Variants in MCUB observed in about 807,000 individuals in gnomAD.
MCUB encodes mitochondrial calcium uniporter dominant negative subunit beta.
In MCUB, 46 loss-of-function variants were observed where a neutral mutation model predicts 41.4. The observed-to-expected ratio is 1.11, with a 90% CI of 0.88 to 1.42. MCUB has a LOEUF of 1.42. Ranked by LOEUF, MCUB falls within the 40% of genes most tolerant of loss-of-function variation. The probability of loss-of-function intolerance (pLI) is 0.00; values close to 1 mark genes in which losing one functional copy is unlikely to be tolerated. For synonymous variants in MCUB, 148 were observed against 148.2 expected (o/e 1.00, Z 0.01); for missense variants, 403 against 404.9 (o/e 1.00, Z 0.04).
chr4:109,603,203 C>T (rs948781667), intron 1 of MCUB, among the ~76,000 whole-genome samples: 4 of 152,226 alleles, frequency 2.6e-5, no homozygotes, highest in African/African-American at 9.6e-5. Context: ...CTGCCTGATT[C>T]TCCTGCCTCA....
chr4:109,571,186 G>T (rs1215529128), intron 1 of MCUB, among the ~76,000 whole-genome samples: 2 of 152,128 alleles, frequency 1.3e-5, no homozygotes, highest in African/African-American at 4.8e-5. Flanking sequence ...AACTTAGTGT[G>T]TGTATGTTTT....
At chr4:109,652,308 C>T (rs955527385) in intron 1 of MCUB, among the ~76,000 whole-genome samples, 1 of 152,130 alleles carries the variant, frequency 6.6e-6, no homozygotes, top group Non-Finnish European at 1.5e-5. Flanking sequence ...ATTCAGCTTC[C>T]ACTTGAGTTT....
At chr4:109,633,844 A>G (rs765060601) in intron 1 of MCUB, among the ~76,000 whole-genome samples, 4 of 151,996 alleles carry the variant, frequency 2.6e-5, no homozygotes, top group Admixed American at 2.0e-4. Flanking sequence ...AAAAATTGGT[A>G]TATGTTCTTA....
chr4:109,626,053 T>C (rs1239732618), intron 1 of MCUB, among the ~76,000 whole-genome samples: 1 of 152,202 alleles, frequency 6.6e-6, no homozygotes, highest in African/African-American at 2.4e-5. Context: ...AGGGTTTCTG[T>C]TGACCAGTGT....
intron 1 of MCUB, among the ~76,000 whole-genome samples, chr4:109,575,908 C>G (rs1018929): frequency 0.039 from 5,888 of 152,096 alleles, 135 homozygotes; most frequent in East Asian, 0.057. Flanking sequence ...AACCTTTTCA[C>G]TCTTATCTAC....
intron 1 of MCUB, among the ~76,000 whole-genome samples, chr4:109,579,829 A>G (rs1030457629): frequency 3.9e-5 from 6 of 152,230 alleles, no homozygotes; most frequent in South Asian, 2.1e-4. Flanking sequence ...GAAAATAGCA[A>G]TTATATTAGA....
intron 1 of MCUB, among the ~76,000 whole-genome samples, chr4:109,622,451 T>C (rs1253398094): frequency 1.3e-5 from 2 of 152,138 alleles, no homozygotes; most frequent in African/African-American, 4.8e-5. Flanking sequence ...GGCCAAGAGA[T>C]TTCAATGGAT....
chr4:109,629,179 C>T (rs1191760867), intron 1 of MCUB, among the ~76,000 whole-genome samples: 1 of 151,956 alleles, frequency 6.6e-6, no homozygotes, highest in Non-Finnish European at 1.5e-5. Flanking sequence ...CTCTATCACC[C>T]AGGCTGGAGT....
chr4:109,666,267 C>T (rs750635154), intron 4 of MCUB, among the ~76,000 whole-genome samples: 45 of 152,150 alleles, frequency 3.0e-4, no homozygotes, highest in South Asian at 6.2e-4. Context: ...AATACACATG[C>T]GCAGGCTTTT....
intron 1 of MCUB, among the ~76,000 whole-genome samples, chr4:109,655,369 A>T (rs1031634286): frequency 2.6e-5 from 4 of 152,186 alleles, no homozygotes; most frequent in African/African-American, 4.8e-5. Flanking sequence ...TCATGTGGGC[A>T]TAATGGATTT....
intron 1 of MCUB, among the ~76,000 whole-genome samples, chr4:109,562,351 G>T (rs1287418322): frequency 6.6e-6 from 1 of 152,186 alleles, no homozygotes; most frequent in Non-Finnish European, 1.5e-5. Flanking sequence ...CAACTGTCCA[G>T]CTATAAAGAC....
At chr4:109,617,962 T>A (rs1226632998) in intron 1 of MCUB, among the ~76,000 whole-genome samples, 1 of 152,200 alleles carries the variant, frequency 6.6e-6, no homozygotes, top group Non-Finnish European at 1.5e-5. Flanking sequence ...ACATGTAACT[T>A]CTTGTATTTG....
intron 1 of MCUB, among the ~76,000 whole-genome samples, chr4:109,624,853 G>C (rs1465991058): frequency 6.6e-6 from 1 of 152,100 alleles, no homozygotes; most frequent in Non-Finnish European, 1.5e-5. Flanking sequence ...GTCCAAACCT[G>C]ATGTCGGCCA....
At chr4:109,651,782 AT>A (rs1267791531) in intron 1 of MCUB, among the ~76,000 whole-genome samples, 1 of 151,890 alleles carries the variant, frequency 6.6e-6, no homozygotes, top group Non-Finnish European at 1.5e-5. Flanking sequence ...TTCTTGATAT[AT>A]TTTTTTCTTC....
chr4:109,603,966 A>C (rs1727811638), intron 1 of MCUB, among the ~76,000 whole-genome samples: 1 of 152,182 alleles, frequency 6.6e-6, no homozygotes, highest in Admixed American at 6.5e-5. Context: ...TGGGGAAAAG[A>C]AAGAGAGATC....
At chr4:109,673,233 G>A (rs1729497918) in intron 4 of MCUB, among the ~76,000 whole-genome samples, 1 of 152,146 alleles carries the variant, frequency 6.6e-6, no homozygotes, top group African/African-American at 2.4e-5. Flanking sequence ...TGTTCTTTGG[G>A]TTGCATTTAT....
intron 4 of MCUB, 38 bp from the exon 5 acceptor site, chr4:109,682,544 T>C (rs772003779): frequency 5.8e-6 from 9 of 1,551,550 alleles, no homozygotes; most frequent in African/African-American, 2.7e-5. Context: ...GCGGGAACAA[T>C]GTGGTGACTG....
chr4:109,674,706 A>T (rs1365652850), intron 4 of MCUB, among the ~76,000 whole-genome samples: 3 of 152,266 alleles, frequency 2.0e-5, no homozygotes, highest in African/African-American at 7.2e-5. Flanking sequence ...AATTGTAAAC[A>T]TGAGAATAAC....
At chr4:109,668,447 T>C (rs1340822224) in intron 4 of MCUB, among the ~76,000 whole-genome samples, 3 of 152,146 alleles carry the variant, frequency 2.0e-5, no homozygotes, top group Non-Finnish European at 2.9e-5. Context: ...GAAATTAATA[T>C]AGCTATTTCA....
Sources: allele counts gnomAD v4.1 joint callset (sites outside exome capture counted in the v4.1 genomes callset), GRCh38; gene constraint gnomAD v4.1.1; transcripts MANE v1.5; gene names NCBI Gene and HGNC (gene_info 2026-07-23, HGNC 2026-07-21).